The following PGM2L1 variants were observed in gnomAD, a reference collection of about 807,000 sequenced individuals.
PGM2L1 encodes the protein phosphoglucomutase 2 like 1, also known as glucose 1,6-bisphosphate synthase.
In PGM2L1, 35 loss-of-function variants were observed where a neutral mutation model predicts 73.4. The observed-to-expected ratio is 0.48, with a 90% confidence interval of 0.36 to 0.63. The LOEUF is 0.63. Ranked by LOEUF, PGM2L1 falls within the 30% of genes least tolerant of loss-of-function variation. The pLI is 0.00. For missense variants in PGM2L1, 570 were observed against 742.0 expected (o/e 0.77, Z 2.69); for synonymous variants, 225 against 253.8 (o/e 0.89, Z 1.08).
At chr11:74,355,848 G>T in intron 5 of PGM2L1, 1 of 432,156 alleles carries the variant, frequency 2.3e-6, no homozygotes. Flanking sequence ...GCTGCGACAA[G>T]ACATATTTTA....
At chr11:74,343,876 T>G (rs1027079270) in intron 9 of PGM2L1, among the ~76,000 whole-genome samples, 4 of 146,908 alleles carry the variant, frequency 2.7e-5, no homozygotes, top group Non-Finnish European at 5.9e-5. Context: ...TCTCCCAGGT[T>G]CAAGCAATTC....
At position 74,346,737 on chromosome 11, in the gene PGM2L1, C is replaced by T. The variant is rs1211985054; in HGVS notation, c.1032G>A (p.Gln344=). Residue 344 remains glutamine (Q), a synonymous_variant, in exon 8 of 14, where the codon CAG becomes CAA. Transcript: ENST00000298198. The part of the protein sequence containing the change: ...DADRLAAAEL[Q]ENGCWKVFTG... Reference sequence around the variant, plus strand: ...AAATAACAGATTCTACATACTTCTCCTGAAGTTCTGCTGCTGCCAGTCTGT... The same window carrying T: ...AAATAACAGATTCTACATACTTCTCTTGAAGTTCTGCTGCTGCCAGTCTGT... 1.2e-6 allele frequency: 2 copies of T among 1,612,696 alleles called. No homozygotes were observed. Among genetic ancestry groups the T allele is most frequent in the African/African-American group, 1.3e-5 (1 of 75,002 alleles).
rs1395668401 is a variant in PGM2L1, at chr11:74,335,940, T to A, written c.*712A>T. The A allele has an allele frequency of 6.6e-6, 1 of 152,630 alleles. No individual in the cohort carries two copies. Among genetic ancestry groups the A allele is most frequent in the Non-Finnish European group, 1.5e-5 (1 of 68,040 alleles). The allele number at this position is 152,630 out of a possible 1,614,324, so 9.5% of individuals were successfully genotyped here. Reference sequence around the variant, plus strand: ...TGTTTTTTCTGTTCACACCAGACCCTGAGAAGGCACTGAGAAATTTGATAA... The same window carrying A: ...TGTTTTTTCTGTTCACACCAGACCCAGAGAAGGCACTGAGAAATTTGATAA... On this transcript the variant is annotated 3_prime_UTR_variant, in exon 14 of 14. Coordinates refer to ENST00000298198, the MANE Select transcript of PGM2L1 (RefSeq NM_173582.6).
rs1001973676 is a variant in PGM2L1, at chr11:74,332,372, A to T, written c.*4280T>A. On this transcript the variant is annotated 3_prime_UTR_variant, in exon 14 of 14. Coordinates refer to ENST00000298198, the MANE Select transcript of PGM2L1 (RefSeq NM_173582.6). Reference sequence around the variant, plus strand: ...CAGATCAAAACAGGTTATGAAATAGATTTAAAATTACTTCCTACAATAAGT... The same window carrying T: ...CAGATCAAAACAGGTTATGAAATAGTTTTAAAATTACTTCCTACAATAAGT... The T allele has an allele frequency of 6.6e-6, 1 of 152,430 alleles. No homozygotes were observed. Among genetic ancestry groups the T allele is most frequent in the South Asian group, 2.1e-4 (1 of 4,828 alleles). 9.4% of individuals were successfully genotyped at this position (152,430 alleles called of 1,614,324 possible).
At chr11:74,393,857 T>C (rs1863137483) in intron 1 of PGM2L1, among the ~76,000 whole-genome samples, 1 of 151,994 alleles carries the variant, frequency 6.6e-6, no homozygotes. Flanking sequence ...ATCTTACATA[T>C]AGGACTGCTT....
At chr11:74,383,577 A>G (rs966648826) in intron 1 of PGM2L1, among the ~76,000 whole-genome samples, 1 of 151,778 alleles carries the variant, frequency 6.6e-6, no homozygotes, top group Non-Finnish European at 1.5e-5. Flanking sequence ...TGCATTAGCT[A>G]TTTATCCTGA....
At chr11:74,368,457 A>AT in intron 5 of PGM2L1, 35 bp downstream of exon 5, 2 of 1,522,698 alleles carry the variant, frequency 1.3e-6, no homozygotes, top group East Asian at 4.5e-5. Flanking sequence ...AAGATGAACT[A>AT]TAAGATAAGC....
intron 1 of PGM2L1, among the ~76,000 whole-genome samples, chr11:74,391,916 T>C (rs775666398): frequency 1.3e-5 from 2 of 152,242 alleles, no homozygotes; most frequent in Non-Finnish European, 2.9e-5. Flanking sequence ...GCCCTGTTTG[T>C]TAGTTGCACT....
rs1019463807 is a variant in PGM2L1 at position 74,345,618 on chromosome 11, A to G, written c.1069T>C (p.Leu357=). The G allele has an allele frequency of 6.2e-7, 1 of 1,613,928 alleles. No individual in the cohort carries two copies. The highest frequency in any genetic ancestry group is 8.5e-7 in the Non-Finnish European group (1 of 1,179,934). The change falls in exon 9 of 14, where the codon TTG becomes CTG. Residue 357 remains leucine, a synonymous_variant. Transcript: ENST00000298198. Reference sequence around the variant, plus strand: ...ATCCACCATCCAAACAAAGCTGCCAACTCATTCCCTGTGAAAACTTTCCAA... The same window carrying G: ...ATCCACCATCCAAACAAAGCTGCCAGCTCATTCCCTGTGAAAACTTTCCAA... ...GCWKVFTGNE[L]AALFGWWMFD...
chr11:74,369,714 A>T (rs904410153), intron 4 of PGM2L1, among the ~76,000 whole-genome samples: 7 of 152,224 alleles, frequency 4.6e-5, no homozygotes, highest in Non-Finnish European at 7.3e-5. Context: ...TAACCACAAG[A>T]AGCAAGCTCT....
chr11:74,370,777 C>T, intron 4 of PGM2L1, 125 bp downstream of exon 4: 1 of 611,030 alleles, frequency 1.6e-6, no homozygotes, highest in Non-Finnish European at 2.5e-6. Context: ...ATTTGTTTTC[C>T]TTCCATTGGT....
intron 12 of PGM2L1, among the ~76,000 whole-genome samples, chr11:74,342,083 T>C (rs928366801): frequency 6.6e-6 from 1 of 152,200 alleles, no homozygotes; most frequent in Non-Finnish European, 1.5e-5. Context: ...GTTTCTTTAC[T>C]GCATCCTGTT....
At chr11:74,338,984 A>G (rs746751695) in intron 12 of PGM2L1, among the ~76,000 whole-genome samples, 4 of 152,240 alleles carry the variant, frequency 2.6e-5, no homozygotes, top group Non-Finnish European at 4.4e-5. Flanking sequence ...CCTATATGTA[A>G]TAATTCATAA....
At chr11:74,381,601 CAG>C (rs1565444959) in intron 1 of PGM2L1, among the ~76,000 whole-genome samples, 5 of 104,802 alleles carry the variant, frequency 4.8e-5, no homozygotes, top group African/African-American at 1.9e-4. Context: ...TTTTTTGAGA[CAG>C]AGTCTCGTTC....
At chr11:74,374,631 T>C (rs1202787902) in intron 1 of PGM2L1, 49 bp from the exon 2 acceptor site, 1 of 1,546,768 alleles carries the variant, frequency 6.5e-7, no homozygotes, top group Non-Finnish European at 8.9e-7. Context: ...AGCAGAGTCC[T>C]AATATTAAGC....
intron 4 of PGM2L1, 30 bp downstream of exon 4, chr11:74,370,872 G>A: frequency 4.6e-6 from 7 of 1,532,102 alleles, no homozygotes; most frequent in Non-Finnish European, 5.4e-6. Context: ...AGAGCAGCAA[G>A]CTATATGATC....
rs185729851 is a variant in PGM2L1 at position 74,392,020 on chromosome 11, T to C, written c.111+6031A>G. On this transcript the variant is annotated intron_variant, in intron 1 of 13. Coordinates refer to ENST00000298198, the MANE Select transcript of PGM2L1 (RefSeq NM_173582.6). ...CATAACTATCAAAATTTAGGAGACATAGAGAATAGTGAGTGAATTCCCATT... is the reference window on the plus strand; with the variant it reads ...CATAACTATCAAAATTTAGGAGACACAGAGAATAGTGAGTGAATTCCCATT... 9.2e-5 allele frequency among the ~76,000 whole-genome samples: 14 copies of C among 152,352 alleles called. No homozygotes were observed. The East Asian group carries it at 1.3e-3, about 15-fold the overall frequency.
intron 2 of PGM2L1, among the ~76,000 whole-genome samples, chr11:74,372,028 A>G (rs1862768567): frequency 6.6e-6 from 1 of 152,110 alleles, no homozygotes; most frequent in South Asian, 2.1e-4. Flanking sequence ...GACACATTTA[A>G]TACCATGGAA....
At chr11:74,346,340 A>T (rs1862266578) in intron 8 of PGM2L1, among the ~76,000 whole-genome samples, 1 of 151,498 alleles carries the variant, frequency 6.6e-6, no homozygotes, top group Non-Finnish European at 1.5e-5. Context: ...TACATCATAA[A>T]GCGATCTGTT....
Sources: allele counts gnomAD v4.1 joint callset (sites outside exome capture counted in the v4.1 genomes callset), GRCh38; gene constraint gnomAD v4.1.1; transcripts MANE v1.5; gene names NCBI Gene and HGNC (gene_info 2026-07-23, HGNC 2026-07-21).